Variants in MAP3K13 observed in about 807,000 individuals in gnomAD.
The protein encoded by MAP3K13 is leucine zipper-bearing kinase.
Under a neutral mutation model 104.0 loss-of-function variants are expected in MAP3K13, and 52 were observed. That is an observed-to-expected ratio of 0.50 (90% confidence interval 0.40 to 0.63). The LOEUF (loss-of-function observed/expected upper bound fraction) is 0.63. MAP3K13 is among the 20% of genes least tolerant of loss of function. MAP3K13 has a pLI of 0.00. For missense variants in MAP3K13, 914 were observed against 1,218.5 expected (o/e 0.75, Z 3.72); for synonymous variants, 394 against 442.2 (o/e 0.89, Z 1.37).
intron 2 of MAP3K13, among the ~76,000 whole-genome samples, chr3:185,321,675 C>A (rs1721874399): frequency 6.6e-6 from 1 of 152,320 alleles, no homozygotes; most frequent in Non-Finnish European, 1.5e-5. Context: ...TCAATCTTGG[C>A]TCACTGTAAC....
At chr3:185,453,825 A>ATATATATGT (rs1716039107) in intron 7 of MAP3K13, among the ~76,000 whole-genome samples, 1 of 20,356 alleles carries the variant, frequency 4.9e-5, no homozygotes, top group African/African-American at 1.1e-4. Context: ...CATATATATG[A>ATATATATGT]GATATATATA....
Position 185,418,386 on chromosome 3 carries a change from T to C in MAP3K13, c.-85-10111T>C, listed in dbSNP as rs1577533607. The stretch of plus-strand genomic sequence containing the variant: ...TAGACATGACCAGTGCTGGTAGGGC[T>C]GAGGCAGCCAGGGCAGAACAGATGG... On this transcript the variant is annotated intron_variant, in intron 1 of 13. Coordinates refer to ENST00000265026, the MANE Select transcript of MAP3K13 (RefSeq NM_004721.5). This position sits in a 1 kb window ranked among gnomAD's most constrained non-coding sequence, Gnocchi z 4.5. 6.2e-7 allele frequency: 1 copy of C among 1,604,982 alleles called. No individual in the cohort carries two copies. Among genetic ancestry groups the C allele is most frequent in the Non-Finnish European group, 8.5e-7 (1 of 1,173,424 alleles).
At chr3:185,316,748 C>T (rs894335329) in intron 2 of MAP3K13, among the ~76,000 whole-genome samples, 4 of 152,200 alleles carry the variant, frequency 2.6e-5, no homozygotes, top group Non-Finnish European at 5.9e-5. Flanking sequence ...TTTTCTCTCC[C>T]TCTGTCCCCA....
chr3:185,428,212 A>C (rs1251324535), intron 1 of MAP3K13, among the ~76,000 whole-genome samples: 1 of 152,042 alleles, frequency 6.6e-6, no homozygotes, highest in Non-Finnish European at 1.5e-5. Flanking sequence ...TTTTTCCTTG[A>C]AGTCTTTTTT....
chr3:185,437,634 G>T lies in MAP3K13; in HGVS notation c.659+4G>T, dbSNP rs376899986. On this transcript the variant is annotated splice_donor_region_variant and intron_variant, in intron 3 of 13. Transcript: ENST00000265026. ...ACCCTAACATCATCGCATTCAAGTA[G>T]GTCAAGGCTTTTTTTTTTTAAGAAG... is the stretch of plus-strand genomic sequence containing the variant. 3.8e-5 allele frequency: 56 copies of T among 1,477,970 alleles called. No homozygotes were observed. The African/African-American group carries it at 9.7e-4, about 26-fold the overall frequency. 91.6% of individuals were successfully genotyped at this position (1,477,970 alleles called of 1,614,324 possible). A position where few individuals can be genotyped will look rare whatever the true frequency, so the allele number is the denominator to read the frequency against.
intron 1 of MAP3K13, among the ~76,000 whole-genome samples, chr3:185,377,173 T>C (rs1577481616): frequency 6.6e-6 from 1 of 151,428 alleles, no homozygotes; most frequent in Non-Finnish European, 1.5e-5. Context: ...GTCCGGTTTT[T>C]GGACAGGTAA....
At position 185,485,499 on chromosome 3, in the gene MAP3K13, C is replaced by T. The variant is rs991725507; in HGVS notation, c.*3043C>T. ...CTGAGGAGCATGATGAGATCTTGCC[C>T]CTTGCTGCCCTGGAGGTGATCCTCC... On this transcript the variant is annotated 3_prime_UTR_variant, in exon 14 of 14. Transcript: ENST00000265026. 6.6e-6 allele frequency: 1 copy of T among 151,838 alleles called. No homozygotes were observed. Among genetic ancestry groups the T allele is most frequent in the African/African-American group, 2.4e-5 (1 of 41,334 alleles). 9.4% of individuals were successfully genotyped at this position (151,838 alleles called of 1,614,324 possible).
chr3:185,377,271 A>T (rs1282643890), intron 1 of MAP3K13, among the ~76,000 whole-genome samples: 1 of 134,026 alleles, frequency 7.5e-6, no homozygotes, highest in Non-Finnish European at 1.6e-5. Context: ...CTTTTAAAGC[A>T]TGCTGTGGGA....
At chr3:185,365,697 G>A (rs1297546945) in intron 1 of MAP3K13, among the ~76,000 whole-genome samples, 1 of 152,062 alleles carries the variant, frequency 6.6e-6, no homozygotes, top group Admixed American at 6.6e-5. Flanking sequence ...CCCTTGCTCT[G>A]TGTTACTATT....
intron 2 of MAP3K13, among the ~76,000 whole-genome samples, chr3:185,298,123 G>A (rs921429005): frequency 6.6e-6 from 1 of 152,174 alleles, no homozygotes; most frequent in Non-Finnish European, 1.5e-5. Context: ...CAAAAGATAA[G>A]AATATTTAGC....
chr3:185,374,334 C>T (rs978281776), intron 1 of MAP3K13, among the ~76,000 whole-genome samples: 2 of 151,888 alleles, frequency 1.3e-5, no homozygotes, highest in South Asian at 2.1e-4. Context: ...AGATAATGGG[C>T]GATGTTTCTC....
rs189171551 is a variant in MAP3K13, at chr3:185,428,442, G to A, written c.-85-55G>A. ...TTTTTTTAATGCAAACAGAAGTGTC[G>A]TAGTGTGCATACTAAAGAAAGGATG... On this transcript the variant is annotated intron_variant, in intron 1 of 13. Transcript: ENST00000265026. 469 of 1,125,440 alleles carry A rather than the reference G, an allele frequency of 4.2e-4. 5 individuals are homozygous for A. The East Asian group carries it at 8.8e-3, about 21-fold the overall frequency. The allele number at this position is 1,125,440 out of a possible 1,614,324, so 69.7% of individuals were successfully genotyped here.
intron 2 of MAP3K13, among the ~76,000 whole-genome samples, chr3:185,331,496 G>T (rs958078786): frequency 4.9e-5 from 3 of 61,076 alleles, no homozygotes; most frequent in Non-Finnish European, 1.5e-4. Flanking sequence ...GTGTATGTGT[G>T]TGTGTGTTGT....
intron 1 of MAP3K13, among the ~76,000 whole-genome samples, chr3:185,367,526 G>A (rs1297920646): frequency 6.6e-6 from 1 of 152,146 alleles, no homozygotes; most frequent in Non-Finnish European, 1.5e-5. Context: ...AAGAGTGAGG[G>A]TATCATTGGA....
At chr3:185,376,039 G>A (rs921895706) in intron 1 of MAP3K13, among the ~76,000 whole-genome samples, 2 of 152,180 alleles carry the variant, frequency 1.3e-5, no homozygotes, top group African/African-American at 4.8e-5. Context: ...CTTTGCTGGT[G>A]AGTGGTGATT....
At chr3:185,421,644 A>T (rs1229312106) in intron 1 of MAP3K13, among the ~76,000 whole-genome samples, 1 of 151,854 alleles carries the variant, frequency 6.6e-6, no homozygotes, top group East Asian at 1.9e-4. Flanking sequence ...ACTAGTTTTG[A>T]TTTCTTATGA....
At position 185,355,630 on chromosome 3, in the gene MAP3K13, G is replaced by A. The variant is rs140848691; in HGVS notation, c.-86+69987G>A. 3.8e-3 allele frequency among the ~76,000 whole-genome samples: 571 copies of A among 152,092 alleles called. 3 individuals are homozygous for A. The highest frequency in any genetic ancestry group is 0.013 in the African/African-American group (546 of 41,490). ...AGCCTGGACGACAGAGTGAGACTCC[G>A]TCTCAAAAAAACCAACCAAACAAAC... On this transcript the variant is annotated intron_variant, in intron 2 of 14. Coordinates refer to the MAP3K13 transcript ENST00000424227.
At chr3:185,449,606 A>T (rs1286769763) in intron 5 of MAP3K13, among the ~76,000 whole-genome samples, 1 of 152,020 alleles carries the variant, frequency 6.6e-6, no homozygotes, top group East Asian at 1.9e-4. Flanking sequence ...TCATACATTC[A>T]ATTCCTAAAT....
chr3:185,469,265 G>T (rs1192051146), intron 10 of MAP3K13, among the ~76,000 whole-genome samples: 1 of 152,196 alleles, frequency 6.6e-6, no homozygotes, highest in Non-Finnish European at 1.5e-5. Flanking sequence ...TTTCCAGCCT[G>T]TCATAAGTGA....
Sources: gnomAD v4.1 joint callset for allele counts (sites outside exome capture counted in the v4.1 genomes callset) on GRCh38, gnomAD v4.1.1 for gene constraint, Gnocchi (gnomAD v3.1) non-coding constraint, MANE v1.5 for transcripts, NCBI Gene and HGNC (gene_info 2026-07-23, HGNC 2026-07-21) for gene names.